CAMTA1: variants seen among roughly 807,000 people sequenced by gnomAD.
The protein encoded by CAMTA1 is calmodulin binding transcription activator 1.
Under a neutral mutation model 170.9 loss-of-function variants are expected in CAMTA1, and 27 were observed. The ratio of observed to expected loss-of-function variants is 0.16; its 90% CI spans 0.12 to 0.22. The LOEUF is 0.22. CAMTA1 is among the 10% of genes least tolerant of loss of function. CAMTA1 has a pLI of 1.00. For missense variants in CAMTA1, 1,619 were observed against 2,217.2 expected (o/e 0.73, Z 5.42); for synonymous variants, 833 against 891.5 (o/e 0.93, Z 1.17).
intron 11 of CAMTA1, among the ~76,000 whole-genome samples, chr1:7,706,994 C>G (rs988507059): frequency 2.0e-5 from 3 of 148,150 alleles, no homozygotes; most frequent in Non-Finnish European, 4.4e-5. Context: ...TCAAGTGATT[C>G]TCCTGCCTCA....
chr1:7,607,227 G>T (rs1406190443), intron 6 of CAMTA1, among the ~76,000 whole-genome samples: 1 of 151,660 alleles, frequency 6.6e-6, no homozygotes, highest in Non-Finnish European at 1.5e-5. Context: ...AAGATAGGTG[G>T]ATGGGCAGCT....
Position 7,325,126 on chromosome 1 carries a change from C to T in CAMTA1, c.438+75500C>T, listed in dbSNP as rs891731170. On this transcript the variant is annotated intron_variant, in intron 5 of 22. Coordinates refer to ENST00000303635, the MANE Select transcript of CAMTA1 (RefSeq NM_015215.4). This position sits in a 1 kb window ranked among gnomAD's most constrained non-coding sequence, Gnocchi z 5.0. ...GATACTTATTCAACATTAAATTCCA[C>T]GCACTGTTCTAGGAACATAGGAAAC... 8.5e-5 allele frequency among the ~76,000 whole-genome samples: 13 copies of T among 152,288 alleles called. No individual in the cohort carries two copies. The highest frequency in any genetic ancestry group is 4.1e-4 in the South Asian group (2 of 4,824).
intron 3 of CAMTA1, among the ~76,000 whole-genome samples, chr1:6,962,971 T>G (rs991201478): frequency 6.8e-6 from 1 of 147,030 alleles, no homozygotes; most frequent in Non-Finnish European, 1.5e-5. Flanking sequence ...TTTGGCCCCT[T>G]TCACCCGTCT....
intron 2 of CAMTA1, among the ~76,000 whole-genome samples, chr1:6,824,488 A>G (rs1024055852): frequency 6.6e-6 from 1 of 152,190 alleles, no homozygotes; most frequent in African/African-American, 2.4e-5. Context: ...GTAGATATGT[A>G]TATGTAAATC....
At chr1:6,953,483 C>G (rs1557878774) in intron 3 of CAMTA1, among the ~76,000 whole-genome samples, 1 of 152,240 alleles carries the variant, frequency 6.6e-6, no homozygotes, top group Non-Finnish European at 1.5e-5. Flanking sequence ...GGGTCTGGAT[C>G]CCACCTAGCA....
chr1:7,062,999 G>A (rs556621210), intron 3 of CAMTA1, among the ~76,000 whole-genome samples: 122 of 152,324 alleles, frequency 8.0e-4, no homozygotes, highest in African/African-American at 2.8e-3. Context: ...ACATCGCAAA[G>A]CTCCTATTTC....
intron 5 of CAMTA1, among the ~76,000 whole-genome samples, chr1:7,448,593 G>T (rs74053283): frequency 0.017 from 2,545 of 152,318 alleles, 80 homozygotes; most frequent in African/African-American, 0.057. Flanking sequence ...TTATTTCCCA[G>T]AGTTCAGGAG....
Position 7,634,340 on chromosome 1 carries a change from C to T in CAMTA1, c.511-6060C>T, listed in dbSNP as rs961773641. On this transcript the variant is annotated intron_variant, in intron 6 of 22. Transcript: ENST00000303635. The surrounding 1 kb of genome is among the most constrained non-coding windows in gnomAD (Gnocchi z 6.2). Reference sequence around the variant, plus strand: ...GGGAGGGAAAATGAGAGGATGACTCCTGGGTTCCAGACCTGGGCAGCTGTG... The same window carrying T: ...GGGAGGGAAAATGAGAGGATGACTCTTGGGTTCCAGACCTGGGCAGCTGTG... Among the ~76,000 whole-genome samples the T allele has an allele frequency of 6.6e-6, 1 of 151,982 alleles. No homozygotes were observed. The highest frequency in any genetic ancestry group is 1.5e-5 in the Non-Finnish European group (1 of 67,982).
intron 4 of CAMTA1, among the ~76,000 whole-genome samples, chr1:7,213,199 A>G (rs183641351): frequency 2.2e-4 from 33 of 152,318 alleles, no homozygotes; most frequent in African/African-American, 7.7e-4. Context: ...GCACTTTTCA[A>G]AGTAGCCGTG....
At chr1:7,096,660 TTTCC>T (rs1485745018) in intron 4 of CAMTA1, among the ~76,000 whole-genome samples, 1 of 152,208 alleles carries the variant, frequency 6.6e-6, no homozygotes, top group Admixed American at 6.5e-5. Context: ...TCCGTCAGTG[TTTCC>T]GACTGTAATT....
Position 6,919,129 on chromosome 1 carries a change from T to C in CAMTA1, c.234+93919T>C, listed in dbSNP as rs116024987. On this transcript the variant is annotated intron_variant, in intron 3 of 22. Transcript: ENST00000303635. Reference sequence around the variant, plus strand: ...CCGGAGGTTTGTGTGTTTCTCTCCGTGGTGAGCCGCCCTGCCTCTGACAGG... The same window carrying C: ...CCGGAGGTTTGTGTGTTTCTCTCCGCGGTGAGCCGCCCTGCCTCTGACAGG... 6.4e-3 allele frequency among the ~76,000 whole-genome samples: 982 copies of C among 152,308 alleles called. 12 individuals are homozygous for C. The highest frequency in any genetic ancestry group is 0.022 in the African/African-American group (929 of 41,576).
At chr1:7,718,804 GCCT>G in intron 11 of CAMTA1, among the ~76,000 whole-genome samples, 1 of 148,928 alleles carries the variant, frequency 6.7e-6, no homozygotes, top group Non-Finnish European at 1.5e-5. Context: ...TGATCCCCCT[GCCT>G]CAGCCTCCCA....
At chr1:7,330,345 C>A (rs1173535005) in intron 5 of CAMTA1, among the ~76,000 whole-genome samples, 1 of 152,208 alleles carries the variant, frequency 6.6e-6, no homozygotes, top group Non-Finnish European at 1.5e-5. Context: ...TTGGACCACG[C>A]GGCAGGAAGA....
chr1:7,653,902 A>G (rs537820886), intron 7 of CAMTA1, among the ~76,000 whole-genome samples: 3 of 152,300 alleles, frequency 2.0e-5, no homozygotes, highest in East Asian at 1.9e-4. Context: ...CAGGAAGGCT[A>G]TTGTGATTTC....
intron 3 of CAMTA1, among the ~76,000 whole-genome samples, chr1:7,070,516 A>G (rs1012894935): frequency 6.6e-6 from 1 of 152,146 alleles, no homozygotes; most frequent in Admixed American, 6.5e-5. Flanking sequence ...CAAAGTCGAA[A>G]GCTCCTCTGG....
In CAMTA1 at chr1:7,077,100, AC is replaced by A. The variant is rs1572876418; in HGVS notation, c.235-14202del. Among the ~76,000 whole-genome samples, 3 of 152,102 alleles carry A rather than the reference AC, an allele frequency of 2.0e-5. No homozygotes were observed. In the East Asian group the frequency reaches 5.8e-4, roughly 29 times the overall value. ...GTCACACTCTGTTAGCTACACAATTACCTTGTTTGTTTGAAGTGTGAATTAA... is the reference window on the plus strand; with the variant it reads ...GTCACACTCTGTTAGCTACACAATTACTTGTTTGTTTGAAGTGTGAATTAA... On this transcript the variant is annotated intron_variant, in intron 3 of 22. Transcript: ENST00000303635.
Position 7,007,716 on chromosome 1 carries a change from G to A in CAMTA1, c.235-83588G>A, listed in dbSNP as rs139681813. On this transcript the variant is annotated intron_variant, in intron 3 of 22. Coordinates refer to ENST00000303635, the MANE Select transcript of CAMTA1 (RefSeq NM_015215.4). This position sits in a 1 kb window ranked among gnomAD's most constrained non-coding sequence, Gnocchi z 4.5. ...GGACCCCCTGTGGGGCTCCCGGGGC[G>A]TCGCTTCTGCCTCTTCCAGTGCTTT... 1.8e-4 allele frequency among the ~76,000 whole-genome samples: 27 copies of A among 152,266 alleles called. No homozygotes were observed. Among genetic ancestry groups the A allele is most frequent in the African/African-American group, 6.3e-4 (26 of 41,558 alleles).
chr1:7,119,652 G>T (rs1446602649), intron 4 of CAMTA1, among the ~76,000 whole-genome samples: 2 of 152,172 alleles, frequency 1.3e-5, no homozygotes, highest in Non-Finnish European at 2.9e-5. Context: ...AGAGGGCTTA[G>T]GAGAGGCCTC....
At chr1:7,651,394 G>A (rs1489175212) in intron 7 of CAMTA1, among the ~76,000 whole-genome samples, 1 of 152,208 alleles carries the variant, frequency 6.6e-6, no homozygotes, top group Admixed American at 6.5e-5. Context: ...CGCCTGTACA[G>A]TTACCATGGT....
Sources: gnomAD v4.1 joint callset for allele counts (sites outside exome capture counted in the v4.1 genomes callset) on GRCh38, gnomAD v4.1.1 for gene constraint, Gnocchi (gnomAD v3.1) non-coding constraint, MANE v1.5 for transcripts, NCBI Gene and HGNC (gene_info 2026-07-23, HGNC 2026-07-21) for gene names.